MUC15: variants seen among roughly 807,000 people sequenced by gnomAD.
MUC15 encodes mucin 15, cell surface associated.
A neutral mutation model predicts 24.0 loss-of-function variants in MUC15; 23 were observed. The ratio of observed to expected loss-of-function variants is 0.96; its 90% CI spans 0.69 to 1.36. The LOEUF is 1.36. Among genes scored for constraint, MUC15 ranks in the 40% most tolerant of loss-of-function variants. The probability of loss-of-function intolerance (pLI) is 0.00; values close to 1 mark genes in which losing one functional copy is unlikely to be tolerated. For synonymous variants in MUC15, 151 were observed against 156.3 expected (o/e 0.97, Z 0.25); for missense variants, 442 against 428.2 (o/e 1.03, Z -0.29).
chr11:26,561,106 T>C lies in MUC15; in HGVS notation c.1045A>G (p.Ile349Val), dbSNP rs1332730477. The change falls in exon 5 of 5, where the codon ATT (isoleucine) becomes GTT (valine). Residue 349 changes from isoleucine (I) to valine (V), a missense_variant. By Grantham distance (29) the Ile-to-Val change is conservative. Coordinates refer to ENST00000529533, the MANE Select transcript of MUC15 (RefSeq NM_001135091.2). The part of the protein sequence containing the change: ...PESEENARDG[I>V]PMDDIPPLRT... Reference sequence around the variant, plus strand: ...AGTGGAGGTATGTCATCCATAGGAATGCCATCACGTGCATTTTCTTCACTT... The same window carrying C: ...AGTGGAGGTATGTCATCCATAGGAACGCCATCACGTGCATTTTCTTCACTT... 3 of 1,612,442 alleles carry C rather than the reference T, an allele frequency of 1.9e-6. No homozygotes were observed. Among genetic ancestry groups the C allele is most frequent in the African/African-American group, 2.7e-5 (2 of 74,766 alleles).
chr11:26,565,449 T>A lies in MUC15; in HGVS notation c.491A>T (p.His164Leu). The A allele has an allele frequency of 6.2e-7, 1 of 1,613,284 alleles. No homozygotes were observed. ...ADEDLLPISA[H>L]PNATPALSSE... ...AGACAGAGCAGGTGTAGCATTGGGA[T>A]GTGCTGAGATGGGCAAAAGATCTTC... The change falls in exon 3 of 5, where the codon CAT (histidine) becomes CTT (leucine). Residue 164 changes from histidine (H) to leucine (L), a missense_variant. Coordinates refer to ENST00000529533, the MANE Select transcript of MUC15 (RefSeq NM_001135091.2).
Position 26,572,102 on chromosome 11 carries a change from G to T in MUC15, c.-107C>A, listed in dbSNP as rs896905281. 5.6e-5 allele frequency: 55 copies of T among 985,260 alleles called. No individual in the cohort carries two copies. The African/African-American group carries it at 9.3e-4, about 17-fold the overall frequency. The allele number at this position is 985,260 out of a possible 1,614,324, so 61.0% of individuals were successfully genotyped here. A position where few individuals can be genotyped will look rare whatever the true frequency, so the allele number is the denominator to read the frequency against. On this transcript the variant is annotated 5_prime_UTR_variant, in exon 1 of 5. Coordinates refer to ENST00000529533, the MANE Select transcript of MUC15 (RefSeq NM_001135091.2). ...AATATCACAGTTGTCCTGTCTGAAA[G>T]GAATCTGTCGTGCATTAGAGAAAAC...
chr11:26,566,405 G>T (rs1290424960), intron 2 of MUC15, among the ~76,000 whole-genome samples: 1 of 151,718 alleles, frequency 6.6e-6, no homozygotes, highest in Non-Finnish European at 1.5e-5. Context: ...CCATATATTA[G>T]ATTTTTTTAA....
At chr11:26,571,992 G>T in intron 1 of MUC15, 49 bp downstream of exon 1, 2 of 682,284 alleles carry the variant, frequency 2.9e-6, no homozygotes, top group Non-Finnish European at 3.6e-6. Flanking sequence ...AGAGAGTAGA[G>T]AGTGAAAGAG....
rs1420480827 is a variant in MUC15, at chr11:26,562,977, G to T, written c.925+139C>A. 3 of 1,201,132 alleles carry T rather than the reference G, an allele frequency of 2.5e-6. No individual in the cohort carries two copies. In the South Asian group the frequency reaches 6.8e-5, roughly 27 times the overall value. The allele number at this position is 1,201,132 out of a possible 1,614,324, so 74.4% of individuals were successfully genotyped here. ...TGGTTTTGTTCTTTGATAAACAGAA[G>T]GTGGATCAGAATAAGTCTTTAGTTT... is the stretch of plus-strand genomic sequence containing the variant. On this transcript the variant is annotated intron_variant, in intron 4 of 4. Transcript: ENST00000529533.
rs368481039 is a variant in MUC15, at chr11:26,567,570, G to T, written c.-45-431C>A. Among the ~76,000 whole-genome samples the T allele has an allele frequency of 3.8e-4, 58 of 152,084 alleles. 1 individual carries two copies. The East Asian group carries it at 0.011, about 29-fold the overall frequency. On this transcript the variant is annotated intron_variant, in intron 1 of 4. Transcript: ENST00000529533. Reference sequence around the variant, plus strand: ...CAACGTAAATATATCTATAATATATGTTAGTTATCTTCAAAATCTGATACT... The same window carrying T: ...CAACGTAAATATATCTATAATATATTTTAGTTATCTTCAAAATCTGATACT...
intron 4 of MUC15, 169 bp downstream of exon 4, chr11:26,562,947 T>A: frequency 1.1e-6 from 1 of 902,506 alleles, no homozygotes; most frequent in Non-Finnish European, 1.5e-6. Context: ...GGTCTATAAT[T>A]ATTTTGGTTT....
intron 1 of MUC15, among the ~76,000 whole-genome samples, chr11:26,570,190 T>A (rs1013243614): frequency 6.6e-6 from 1 of 152,134 alleles, no homozygotes; most frequent in Non-Finnish European, 1.5e-5. Context: ...TGTCACTGTT[T>A]TAGAACAACT....
intron 1 of MUC15, among the ~76,000 whole-genome samples, chr11:26,570,170 ATT>A (rs895767538): frequency 4.6e-5 from 7 of 151,974 alleles, no homozygotes; most frequent in African/African-American, 1.7e-4. Flanking sequence ...TTTAAAATAT[ATT>A]TTCATAGTGT....
intron 3 of MUC15, among the ~76,000 whole-genome samples, chr11:26,564,726 CACACACATATATAT>C (rs1207673066): frequency 2.1e-3 from 103 of 49,226 alleles, no homozygotes; most frequent in African/African-American, 5.6e-3. Flanking sequence ...CACACACACA[CACACACATATATAT>C]ATATATATAT....
chr11:26,564,730 C>CATATAT (rs1850477575), intron 3 of MUC15, among the ~76,000 whole-genome samples: 1 of 24,012 alleles, frequency 4.2e-5, no homozygotes, highest in African/African-American at 1.8e-4. Context: ...CACACACACA[C>CATATAT]ACATATATAT....
rs1850196791 is a variant in MUC15, at chr11:26,559,496, G to A, written c.*1569C>T. ...TGGTGGGGTATAAAGGGAATCAAGA[G>A]AGGAGAGAAGAGGGCTAATGTTGTT... On this transcript the variant is annotated 3_prime_UTR_variant, in exon 5 of 5. Transcript: ENST00000529533. The A allele has an allele frequency of 2.0e-6, 1 of 494,014 alleles. No individual in the cohort carries two copies. Among genetic ancestry groups the A allele is most frequent in the African/African-American group, 1.9e-5 (1 of 51,906 alleles). The allele number at this position is 494,014 out of a possible 1,614,324, so 30.6% of individuals were successfully genotyped here. A position where few individuals can be genotyped will look rare whatever the true frequency, so the allele number is the denominator to read the frequency against.
intron 1 of MUC15, among the ~76,000 whole-genome samples, 157 bp from the exon 2 acceptor site, chr11:26,567,296 G>C (rs567511077): frequency 3.3e-5 from 5 of 151,794 alleles, no homozygotes; most frequent in Non-Finnish European, 5.9e-5. Context: ...TCATGTTTTT[G>C]AATTGAACCT....
intron 3 of MUC15, among the ~76,000 whole-genome samples, chr11:26,564,740 T>C (rs1441263379): frequency 0.015 from 352 of 23,794 alleles, 5 homozygotes; most frequent in African/African-American, 0.021. Flanking sequence ...CACATATATA[T>C]ATATATATAT....
intron 1 of MUC15, among the ~76,000 whole-genome samples, chr11:26,567,845 T>C (rs1055240689): frequency 1.3e-5 from 2 of 151,992 alleles, no homozygotes; most frequent in Non-Finnish European, 2.9e-5. Context: ...TAGAGCTGTA[T>C]GCAACGACAT....
chr11:26,569,432 T>C (rs1044388211), intron 1 of MUC15, among the ~76,000 whole-genome samples: 2 of 152,084 alleles, frequency 1.3e-5, no homozygotes, highest in Non-Finnish European at 2.9e-5. Flanking sequence ...CAAGTTTGCC[T>C]CTGCTGCCTG....
At position 26,565,520 on chromosome 11, in the gene MUC15, G is replaced by T; in HGVS notation, c.420C>A (p.Ile140=). ...AAGGCACTTTAGAAACAAAGCTATG[G>T]ATCAAGGGAGGGCTTGTGGAAATGG... is the stretch of plus-strand genomic sequence containing the variant. The part of the protein sequence containing the change: ...TSTISTSPPL[I]HSFVSKVPWN... The change falls in exon 3 of 5, where the codon ATC becomes ATA. Residue 140 remains isoleucine, a synonymous_variant. Coordinates refer to ENST00000529533, the MANE Select transcript of MUC15 (RefSeq NM_001135091.2). 6.2e-7 allele frequency: 1 copy of T among 1,613,344 alleles called. No individual in the cohort carries two copies. The highest frequency in any genetic ancestry group is 1.7e-4 in the Middle Eastern group (1 of 6,060).
At position 26,567,090 on chromosome 11, in the gene MUC15, C is replaced by T. The variant is rs865885555; in HGVS notation, c.5G>A (p.Gly2Asp). M[G>D]IIQSILATSR... ...TGTGGCAAGAATAGATTGTATTATG[C>T]CCATTTTGCAGATGAAGAAACTGAA... The change falls in exon 2 of 5, where the codon GGC becomes GAC. Residue 2 changes from glycine (G) to aspartate (D), a missense_variant. Gly to Asp is a moderately conservative substitution (Grantham distance 94). Coordinates refer to ENST00000529533, the MANE Select transcript of MUC15 (RefSeq NM_001135091.2). The T allele has an allele frequency of 2.0e-5, 30 of 1,483,492 alleles. No individual in the cohort carries two copies. The highest frequency in any genetic ancestry group is 2.7e-5 in the Non-Finnish European group (30 of 1,110,788). The allele number at this position is 1,483,492 out of a possible 1,614,324, so 91.9% of individuals were successfully genotyped here.
intron 4 of MUC15, 139 bp downstream of exon 4, chr11:26,562,977 G>A (rs1420480827): frequency 8.3e-7 from 1 of 1,201,132 alleles, no homozygotes; most frequent in African/African-American, 1.6e-5. Context: ...ATAAACAGAA[G>A]GTGGATCAGA....
Sources: allele counts gnomAD v4.1 joint callset (sites outside exome capture counted in the v4.1 genomes callset), GRCh38; gene constraint gnomAD v4.1.1; transcripts MANE v1.5; gene names NCBI Gene and HGNC (gene_info 2026-07-23, HGNC 2026-07-21).